The following ADGRV1 variants were observed in gnomAD, a reference collection of about 807,000 sequenced individuals.
ADGRV1 encodes the protein adhesion G protein-coupled receptor V1.
ADGRV1 carries 359 observed loss-of-function variants against 596.2 expected under a neutral mutation model. The observed-to-expected ratio is 0.60, with a 90% CI of 0.55 to 0.66. The LOEUF (loss-of-function observed/expected upper bound fraction) is 0.66, where lower values mean the gene tolerates loss of function less well. ADGRV1 is among the 30% of genes least tolerant of loss of function. ADGRV1 has a pLI of 0.00. For missense variants in ADGRV1, 7,274 were observed against 7,575.6 expected, an observed-to-expected ratio of 0.96 and a Z score of 1.48; for synonymous variants, 2,681 against 2,679.2, an observed-to-expected ratio of 1.00 and a Z score of -0.02.
At position 90,692,268 on chromosome 5, in the gene ADGRV1, TA is replaced by T. The variant is rs1305429331; in HGVS notation, c.6952-331del. 3.3e-5 allele frequency among the ~76,000 whole-genome samples: 5 copies of T among 152,288 alleles called. No homozygotes were observed. In the East Asian group the frequency reaches 5.8e-4, roughly 18 times the overall value. ...TAAAATGTATATTTCAGATTTTTTT[TA>T]AAAAAGTTATAGGACGTAAAAGTAC... is the stretch of plus-strand genomic sequence containing the variant. On this transcript the variant is annotated intron_variant, in intron 31 of 89. Transcript: ENST00000405460.
At chr5:91,088,918 C>T (rs1223894916) in intron 86 of ADGRV1, among the ~76,000 whole-genome samples, 1 of 152,088 alleles carries the variant, frequency 6.6e-6, no homozygotes. Context: ...TATTAGACAG[C>T]CTCTTTCTCC....
intron 83 of ADGRV1, among the ~76,000 whole-genome samples, chr5:90,875,042 A>G (rs976195842): frequency 7.2e-5 from 11 of 152,160 alleles, no homozygotes; most frequent in Non-Finnish European, 1.3e-4. Context: ...AGAACTGGGT[A>G]TGGGGCACAT....
intron 83 of ADGRV1, among the ~76,000 whole-genome samples, chr5:90,893,878 T>G (rs1561906169): frequency 6.6e-6 from 1 of 152,224 alleles, no homozygotes; most frequent in Non-Finnish European, 1.5e-5. Flanking sequence ...TTGTTCACAC[T>G]GTTCAATGTA....
chr5:90,593,352 C>T (rs1402360492), intron 1 of ADGRV1, among the ~76,000 whole-genome samples: 3 of 152,026 alleles, frequency 2.0e-5, no homozygotes, highest in South Asian at 2.1e-4. Flanking sequence ...ATCACAAGGA[C>T]GGAAAACCAA....
At chr5:90,793,532 A>T (rs1760320125) in intron 70 of ADGRV1, among the ~76,000 whole-genome samples, 1 of 152,196 alleles carries the variant, frequency 6.6e-6, no homozygotes, top group Non-Finnish European at 1.5e-5. Context: ...AGGCATAAGA[A>T]ACCCAAAATA....
At chr5:90,827,808 A>G (rs1363052232) in intron 76 of ADGRV1, among the ~76,000 whole-genome samples, 1 of 152,232 alleles carries the variant, frequency 6.6e-6, no homozygotes, top group Admixed American at 6.5e-5. Flanking sequence ...GATTAAGTTG[A>G]TTTATGCTAT....
Position 90,674,201 on chromosome 5 carries a change from G to T in ADGRV1, c.5077G>T (p.Asp1693Tyr), listed in dbSNP as rs1772903957. 1 of 1,610,358 alleles carries T rather than the reference G, an allele frequency of 6.2e-7. No individual in the cohort carries two copies. The highest frequency in any genetic ancestry group is 1.3e-5 in the African/African-American group (1 of 74,824). Reference protein sequence around the residue: ...ASIDPEKETTDITIKASDHPY... With the variant: ...ASIDPEKETTYITIKASDHPY... The stretch of plus-strand genomic sequence containing the variant: ...CATAGATCCTGAAAAGGAAACGACT[G>T]ATATCACCATCAAAGCTAGTGATCA... The change falls in exon 23 of 90, where the codon GAT becomes TAT. Residue 1693 changes from aspartate to tyrosine, a missense_variant. Physicochemically the swap from Asp to Tyr is radical, Grantham distance 160. Coordinates refer to ENST00000405460, the MANE Select transcript of ADGRV1 (RefSeq NM_032119.4).
intron 68 of ADGRV1, 25 bp from the exon 69 acceptor site, chr5:90,789,668 ATAAATTATT>A: frequency 7.6e-7 from 1 of 1,319,210 alleles, no homozygotes; most frequent in Non-Finnish European, 1.1e-6. Flanking sequence ...CTATTGTTTT[ATAAATTATT>A]TTCTCTGTTG....
intron 88 of ADGRV1, among the ~76,000 whole-genome samples, chr5:91,152,471 CA>C (rs768776573): frequency 1.3e-5 from 2 of 151,824 alleles, no homozygotes; most frequent in Admixed American, 6.6e-5. Context: ...TCTTTGCATA[CA>C]TCTTACCAAA....
intron 89 of ADGRV1, among the ~76,000 whole-genome samples, chr5:91,157,363 C>T (rs1796558345): frequency 6.6e-6 from 1 of 152,172 alleles, no homozygotes; most frequent in Admixed American, 6.5e-5. Flanking sequence ...AAAACTTTTA[C>T]ATTATTGTTT....
At chr5:90,956,517 G>A (rs188755538) in intron 83 of ADGRV1, among the ~76,000 whole-genome samples, 4 of 152,264 alleles carry the variant, frequency 2.6e-5, no homozygotes, top group Non-Finnish European at 4.4e-5. Context: ...CACAGAATTC[G>A]TAAACTGTCA....
At chr5:90,686,196 AT>A (rs1188022373) in intron 29 of ADGRV1, among the ~76,000 whole-genome samples, 1 of 151,220 alleles carries the variant, frequency 6.6e-6, no homozygotes, top group African/African-American at 2.4e-5. Flanking sequence ...TGATTTTACA[AT>A]TTTTTTATTT....
chr5:91,075,260 G>T (rs1428662162), intron 86 of ADGRV1, among the ~76,000 whole-genome samples: 1 of 152,016 alleles, frequency 6.6e-6, no homozygotes, highest in South Asian at 2.1e-4. Flanking sequence ...CATTCTTTTG[G>T]GGGGAGAATG....
intron 50 of ADGRV1, among the ~76,000 whole-genome samples, chr5:90,736,496 G>T (rs1195319320): frequency 6.6e-6 from 1 of 151,920 alleles, no homozygotes; most frequent in Non-Finnish European, 1.5e-5. Context: ...AAATGAATTT[G>T]GAATTATCCT....
intron 87 of ADGRV1, among the ~76,000 whole-genome samples, chr5:91,116,769 A>G (rs1202534035): frequency 1.3e-5 from 2 of 152,164 alleles, no homozygotes; most frequent in Admixed American, 6.5e-5. Flanking sequence ...CCAGTACCAT[A>G]CTGTCAGTCT....
rs758834029 is a variant in ADGRV1, at chr5:90,706,284, C to T, written c.8620C>T (p.Gln2874Ter). Residue 2874 changes from glutamine (Q) to a stop codon, truncating the protein, a stop_gained, in exon 38 of 90, where the codon CAA becomes TAA. Coordinates refer to ENST00000405460, the MANE Select transcript of ADGRV1 (RefSeq NM_032119.4). LOFTEE classifies it high-confidence loss of function. ...TVPGMLSLKN[Q>*]TVGNLAEPEV... Reference sequence around the variant, plus strand: ...TCCTGGAATGCTGAGTCTGAAGAACCAAACAGTAGGAAACCTAGCAGAGCC... The same window carrying T: ...TCCTGGAATGCTGAGTCTGAAGAACTAAACAGTAGGAAACCTAGCAGAGCC... The T allele has an allele frequency of 6.2e-7, 1 of 1,613,296 alleles. No individual in the cohort carries two copies. The highest frequency in any genetic ancestry group is 1.7e-4 in the Middle Eastern group (1 of 6,060).
At chr5:90,618,183 C>T (rs929328543) in intron 3 of ADGRV1, among the ~76,000 whole-genome samples, 9 of 152,160 alleles carry the variant, frequency 5.9e-5, no homozygotes, top group African/African-American at 1.9e-4. Context: ...TCAGCTTACT[C>T]GGGAATTGCC....
chr5:91,084,390 C>T (rs1468955951), intron 86 of ADGRV1, among the ~76,000 whole-genome samples: 1 of 151,998 alleles, frequency 6.6e-6, no homozygotes, highest in South Asian at 2.1e-4. Flanking sequence ...AAGAAAAAAA[C>T]AAACAACCCC....
At chr5:91,125,923 T>G (rs1024211390) in intron 87 of ADGRV1, among the ~76,000 whole-genome samples, 1 of 152,238 alleles carries the variant, frequency 6.6e-6, no homozygotes, top group Non-Finnish European at 1.5e-5. Flanking sequence ...TAGTTCTGTT[T>G]TCCTTTTTAA....
Sources: allele counts gnomAD v4.1 joint callset (sites outside exome capture counted in the v4.1 genomes callset), GRCh38; gene constraint gnomAD v4.1.1; transcripts MANE v1.5; gene names NCBI Gene and HGNC (gene_info 2026-07-23, HGNC 2026-07-21).